Variants in ECRG4 observed in about 807,000 individuals in gnomAD.
The protein encoded by ECRG4 is ECRG4 augurin precursor, also known as augurin.
Under a neutral mutation model 15.8 loss-of-function variants are expected in ECRG4, and 18 were observed. The ratio of observed to expected loss-of-function variants is 1.14; its 90% CI spans 0.79 to 1.69. The LOEUF (loss-of-function observed/expected upper bound fraction) is 1.69. Among genes scored for constraint, ECRG4 ranks in the 40% most tolerant of loss-of-function variants. ECRG4 has a pLI of 0.00. For synonymous variants in ECRG4, 82 were observed against 73.9 expected (o/e 1.11, Z -0.56); for missense variants, 200 against 190.9 (o/e 1.05, Z -0.28).
At position 106,074,012 on chromosome 2, in the gene ECRG4, A is replaced by G. The variant is rs1221909136; in HGVS notation, c.254A>G (p.Gln85Arg). The G allele has an allele frequency of 6.2e-7, 1 of 1,613,542 alleles. No homozygotes were observed. The highest frequency in any genetic ancestry group is 1.3e-5 in the African/African-American group (1 of 74,936). ...RTRPEVQQWYQQFLYMGFDEA... is the reference protein window; with the variant it reads ...RTRPEVQQWYRQFLYMGFDEA... ...CGGCCCGAGGTGCAGCAGTGGTACC[A>G]GCAGTTTCTCTACATGGGCTTTGAC... Residue 85 changes from glutamine (Q) to arginine (R), a missense_variant, in exon 3 of 4, where the codon CAG (glutamine) becomes CGG (arginine). Gln to Arg is a conservative substitution (Grantham distance 43). Coordinates refer to ENST00000238044, the MANE Select transcript of ECRG4 (RefSeq NM_032411.3).
intron 1 of ECRG4, among the ~76,000 whole-genome samples, chr2:106,067,334 G>A (rs1049272321): frequency 6.6e-6 from 1 of 152,024 alleles, no homozygotes; most frequent in Non-Finnish European, 1.5e-5. Context: ...GAAGAAAAAA[G>A]CACATCTGAA....
Position 106,078,124 on chromosome 2 carries a change from A to C in ECRG4, c.*198A>C. On this transcript the variant is annotated 3_prime_UTR_variant, in exon 4 of 4. Coordinates refer to ENST00000238044, the MANE Select transcript of ECRG4 (RefSeq NM_032411.3). ...TTCATGGGAATGCCTCTCATTTAAA[A>C]ATAGAAATAAAGCATTTTGTTAAAA... is the stretch of plus-strand genomic sequence containing the variant. 1 of 441,496 alleles carries C rather than the reference A, an allele frequency of 2.3e-6. No homozygotes were observed. The highest frequency in any genetic ancestry group is 6.8e-5 in the South Asian group (1 of 14,664). The allele number at this position is 441,496 out of a possible 1,614,324, so 27.3% of individuals were successfully genotyped here.
At chr2:106,072,021 A>C in intron 2 of ECRG4, 130 bp downstream of exon 2, 1 of 698,402 alleles carries the variant, frequency 1.4e-6, no homozygotes, top group East Asian at 2.7e-5. Flanking sequence ...AGGTTAGCAG[A>C]TATGAAGGGC....
At chr2:106,063,938 G>A (rs1022333424), upstream of ECRG4, among the ~76,000 whole-genome samples, 4 of 152,202 alleles carry the variant, frequency 2.6e-5, no homozygotes, top group African/African-American at 9.7e-5. Flanking sequence ...GCAATTTGGG[G>A]TAAGGGGGAT....
chr2:106,063,852 G>A (rs1676150662), upstream of ECRG4, among the ~76,000 whole-genome samples: 4 of 152,354 alleles, frequency 2.6e-5, no homozygotes, highest in South Asian at 8.3e-4. Context: ...AAAGTGCTGG[G>A]ATTACAGGCG....
intron 1 of ECRG4, 92 bp downstream of exon 1, chr2:106,065,935 T>G: frequency 8.5e-7 from 1 of 1,177,572 alleles, no homozygotes; most frequent in Non-Finnish European, 1.1e-6. Flanking sequence ...CGATCGGTGA[T>G]GGGGTGGCGG....
intron 1 of ECRG4, among the ~76,000 whole-genome samples, chr2:106,071,279 G>A (rs771948031): frequency 5.8e-5 from 7 of 121,042 alleles, no homozygotes; most frequent in African/African-American, 9.8e-5. Flanking sequence ...TCTAAATCCC[G>A]TATGATAACA....
chr2:106,066,849 G>A (rs1676225567), intron 1 of ECRG4, among the ~76,000 whole-genome samples: 1 of 152,152 alleles, frequency 6.6e-6, no homozygotes. Context: ...CTGGGATGGA[G>A]CCCCGGGGTT....
At chr2:106,070,983 T>C in intron 1 of ECRG4, 1 of 471,346 alleles carries the variant, frequency 2.1e-6, no homozygotes, top group Non-Finnish European at 4.4e-6. Flanking sequence ...GGTGGAGGCG[T>C]GTGTTCTATC....
intron 1 of ECRG4, 98 bp downstream of exon 1, chr2:106,065,941 G>A (rs1676203057): frequency 1.8e-6 from 2 of 1,092,578 alleles, no homozygotes; most frequent in Non-Finnish European, 2.5e-6. Context: ...GTGATGGGGT[G>A]GCGGCGTAGG....
At chr2:106,067,298 A>G (rs1457632130) in intron 1 of ECRG4, among the ~76,000 whole-genome samples, 1 of 151,498 alleles carries the variant, frequency 6.6e-6, no homozygotes, top group Non-Finnish European at 1.5e-5. Flanking sequence ...GTCGCAAAAT[A>G]AAAAAAGAAA....
chr2:106,073,778 A>G (rs1558657601), intron 2 of ECRG4, 108 bp from the exon 3 acceptor site: 3 of 1,340,558 alleles, frequency 2.2e-6, no homozygotes, highest in Non-Finnish European at 3.1e-6. Context: ...GAGAGTCAAA[A>G]CCCTCCTACA....
chr2:106,070,862 C>G (rs1357756840), intron 1 of ECRG4: 3 of 469,890 alleles, frequency 6.4e-6, no homozygotes, highest in East Asian at 1.4e-4. Context: ...TACCTCCATC[C>G]TGGGGCCTGA....
Position 106,069,210 on chromosome 2 carries a change from T to G in ECRG4, c.80-2634T>G, listed in dbSNP as rs554284690. Among the ~76,000 whole-genome samples the G allele has an allele frequency of 2.7e-5, 4 of 146,132 alleles. No individual in the cohort carries two copies. In the East Asian group the frequency reaches 7.7e-4, roughly 28 times the overall value. On this transcript the variant is annotated intron_variant, in intron 1 of 3. Transcript: ENST00000238044. ...TTCTCTTTCTTCTTTCTTTTTTATT[T>G]TCTTTTCTTTCTTCTTTCCTTCTTT...
Position 106,065,734 on chromosome 2 carries a change from C to A in ECRG4, c.-31C>A, listed in dbSNP as rs1305782880. 9 of 1,460,766 alleles carry A rather than the reference C, an allele frequency of 6.2e-6. No homozygotes were observed. The highest frequency in any genetic ancestry group is 1.5e-5 in the African/African-American group (1 of 67,780). The allele number at this position is 1,460,766 out of a possible 1,614,324, so 90.5% of individuals were successfully genotyped here. On this transcript the variant is annotated 5_prime_UTR_variant, in exon 1 of 4. Transcript: ENST00000238044. The stretch of plus-strand genomic sequence containing the variant: ...CTCCCTCGCAGCACCTCGAAGTGCG[C>A]CCCTCGCCCTCCTGCTCGCGCCCCG...
intron 1 of ECRG4, among the ~76,000 whole-genome samples, chr2:106,069,131 C>G (rs1487042122): frequency 8.9e-6 from 1 of 112,710 alleles, no homozygotes; most frequent in Non-Finnish European, 1.9e-5. Context: ...CTTCCTTTCT[C>G]TTTCTTTCTT....
intron 1 of ECRG4, among the ~76,000 whole-genome samples, chr2:106,067,059 C>CGGGGCGGG (rs1207345148): frequency 2.3e-3 from 10 of 4,258 alleles, no homozygotes; most frequent in East Asian, 6.6e-3. Flanking sequence ...TTTGGGAGGC[C>CGGGGCGGG]GGGGGGGGGG....
chr2:106,065,981 G>T, intron 1 of ECRG4, 138 bp downstream of exon 1: 1 of 706,544 alleles, frequency 1.4e-6, no homozygotes. Flanking sequence ...CAGGGCCAAG[G>T]GGTGGTAGAG....
chr2:106,072,045 A>G, intron 2 of ECRG4, 154 bp downstream of exon 2: 1 of 599,870 alleles, frequency 1.7e-6, no homozygotes, highest in East Asian at 2.8e-5. Flanking sequence ...TTCTGTTGGT[A>G]TGTGGTGTGG....
Sources: allele counts gnomAD v4.1 joint callset (sites outside exome capture counted in the v4.1 genomes callset), GRCh38; gene constraint gnomAD v4.1.1; transcripts MANE v1.5; gene names NCBI Gene and HGNC (gene_info 2026-07-23, HGNC 2026-07-21).